The following CDC42BPB variants were observed in gnomAD, a reference collection of about 807,000 sequenced individuals.
CDC42BPB encodes CDC42 binding protein kinase beta.
A neutral mutation model predicts 214.9 loss-of-function variants in CDC42BPB; 37 were observed. The ratio of observed to expected loss-of-function variants is 0.17; its 90% confidence interval spans 0.13 to 0.23. CDC42BPB has a LOEUF of 0.23. Ranked by LOEUF, CDC42BPB falls within the 10% of genes least tolerant of loss-of-function variation. The pLI is 1.00. For synonymous variants in CDC42BPB, 931 were observed against 884.0 expected (o/e 1.05, Z -0.94); for missense variants, 1,694 against 2,227.0 (o/e 0.76, Z 4.82).
At chr14:102,939,581 TGCCC>T (rs778755078) in intron 34 of CDC42BPB, 25 bp downstream of exon 34, 1 of 1,538,384 alleles carries the variant, frequency 6.5e-7, no homozygotes, top group Non-Finnish European at 9.0e-7. Flanking sequence ...TGGGGTGCCC[TGCCC>T]GCCCTATCCC....
intron 5 of CDC42BPB, among the ~76,000 whole-genome samples, chr14:102,991,794 T>C (rs1894505704): frequency 6.6e-6 from 1 of 152,212 alleles, no homozygotes; most frequent in African/African-American, 2.4e-5. Context: ...TTTGAAATTA[T>C]TTGAAACATT....
chr14:102,983,526 C>CAAAAAA, intron 7 of CDC42BPB, 30 bp downstream of exon 7: 1 of 1,511,922 alleles, frequency 6.6e-7, no homozygotes, highest in Non-Finnish European at 8.9e-7. Context: ...AGCCAGGTAC[C>CAAAAAA]AAAAAAAAAA....
At chr14:103,045,434 G>A (rs1888235752) in intron 1 of CDC42BPB, among the ~76,000 whole-genome samples, 1 of 152,094 alleles carries the variant, frequency 6.6e-6, no homozygotes, top group African/African-American at 2.4e-5. Flanking sequence ...CACATCACGT[G>A]GTCTCCACAG....
intron 1 of CDC42BPB, among the ~76,000 whole-genome samples, chr14:103,013,197 G>C (rs974114327): frequency 6.6e-6 from 1 of 152,204 alleles, no homozygotes; most frequent in African/African-American, 2.4e-5. Flanking sequence ...AGTGAGAGCT[G>C]AGCTCCACCT....
chr14:102,974,820 G>A (rs769053702), intron 11 of CDC42BPB, among the ~76,000 whole-genome samples: 5 of 152,124 alleles, frequency 3.3e-5, no homozygotes, highest in Non-Finnish European at 7.4e-5. Flanking sequence ...AATTAGCCAG[G>A]CGTGGTGGGG....
intron 27 of CDC42BPB, 168 bp from the exon 28 acceptor site, chr14:102,946,852 G>T: frequency 2.0e-6 from 2 of 985,436 alleles, no homozygotes; most frequent in South Asian, 4.7e-5. Context: ...AGAGGCTCCC[G>T]CGGCAGGACA....
At chr14:103,011,354 T>G (rs1886148385) in intron 2 of CDC42BPB, among the ~76,000 whole-genome samples, 2 of 152,356 alleles carry the variant, frequency 1.3e-5, no homozygotes, top group Admixed American at 1.3e-4. Context: ...GTACAGAGCA[T>G]GAAAACAGCT....
At chr14:103,052,100 G>A (rs945074498) in intron 1 of CDC42BPB, among the ~76,000 whole-genome samples, 1 of 151,970 alleles carries the variant, frequency 6.6e-6, no homozygotes, top group African/African-American at 2.4e-5. Context: ...CCAAAGTGCT[G>A]GGATTACAGG....
intron 21 of CDC42BPB, 117 bp from the exon 22 acceptor site, chr14:102,954,805 G>A (rs1018036186): frequency 1.4e-5 from 20 of 1,467,662 alleles, no homozygotes; most frequent in Admixed American, 1.3e-4. Flanking sequence ...AAGTCCCAGC[G>A]GTTCTTACTC....
At chr14:103,025,885 A>G (rs1373926378) in intron 1 of CDC42BPB, among the ~76,000 whole-genome samples, 1 of 152,124 alleles carries the variant, frequency 6.6e-6, no homozygotes, top group Non-Finnish European at 1.5e-5. Context: ...CTAAAAAAAA[A>G]CCAGACACAA....
rs187311977 is a variant in CDC42BPB, at chr14:102,990,675, C to T, written c.597-4095G>A. Among the ~76,000 whole-genome samples, 138 of 152,208 alleles carry T rather than the reference C, an allele frequency of 9.1e-4. 1 individual carries two copies. Among genetic ancestry groups the T allele is most frequent in the Admixed American group, 5.6e-3 (86 of 15,280 alleles). On this transcript the variant is annotated intron_variant, in intron 5 of 36. Transcript: ENST00000361246. The stretch of plus-strand genomic sequence containing the variant: ...GCACCCAGAACTTGGTCTTCAAAGC[C>T]GCTCCCCACTAAAGGGCCTTGAGCT...
chr14:102,939,214 C>T lies in CDC42BPB; in HGVS notation c.4827+396G>A, dbSNP rs187454404. ...TCGGCCTCCCAAAGTGCTGGGATTA[C>T]AGGCATGAGCCACCACGCCCAGCCA... On this transcript the variant is annotated intron_variant, in intron 34 of 36. Coordinates refer to ENST00000361246, the MANE Select transcript of CDC42BPB (RefSeq NM_006035.4). Among the ~76,000 whole-genome samples the T allele has an allele frequency of 3.7e-3, 559 of 152,016 alleles. 4 individuals are homozygous for T. Among genetic ancestry groups the T allele is most frequent in the Non-Finnish European group, 4.8e-3 (329 of 67,946 alleles).
At chr14:103,053,138 A>AG (rs1888703944) in intron 1 of CDC42BPB, among the ~76,000 whole-genome samples, 1 of 151,936 alleles carries the variant, frequency 6.6e-6, no homozygotes, top group African/African-American at 2.4e-5. Context: ...TCACGAGGTC[A>AG]GGACTTTAAG....
intron 1 of CDC42BPB, among the ~76,000 whole-genome samples, chr14:103,021,707 T>C (rs1372942498): frequency 6.7e-6 from 1 of 148,238 alleles, no homozygotes; most frequent in Non-Finnish European, 1.5e-5. Flanking sequence ...AACATTCAGA[T>C]GCAAAAGACA....
At chr14:102,963,385 C>T (rs1021883197) in intron 19 of CDC42BPB, 1 of 621,874 alleles carries the variant, frequency 1.6e-6, no homozygotes, top group African/African-American at 2.0e-5. Flanking sequence ...GAAGGCGTGT[C>T]TCATGAAGGC....
intron 2 of CDC42BPB, 112 bp from the exon 3 acceptor site, chr14:103,008,667 G>T (rs1885981535): frequency 6.7e-7 from 1 of 1,485,020 alleles, no homozygotes; most frequent in Non-Finnish European, 8.9e-7. Flanking sequence ...GAAACCAGCA[G>T]TGACCGAAAG....
Position 102,963,141 on chromosome 14 carries a change from G to C in CDC42BPB, c.2741C>G (p.Ser914Cys). 6.3e-7 allele frequency: 1 copy of C among 1,595,148 alleles called. No individual in the cohort carries two copies. The highest frequency in any genetic ancestry group is 8.6e-7 in the Non-Finnish European group (1 of 1,167,828). ...NLTLESKLKD[S>C]EAKNRELLEE... ...TAATAATTCTCTGTTTTTGGCTTCG[G>C]AATCCTTTAGTTTGCTAAAATAAAA... The change falls in exon 20 of 37, where the codon TCC becomes TGC. Residue 914 changes from serine (S) to cysteine (C), a missense_variant. This residue lies in a region of CDC42BPB where 156 missense variants were observed against 154.5 expected (regional missense o/e 1.01). Coordinates refer to ENST00000361246, the MANE Select transcript of CDC42BPB (RefSeq NM_006035.4).
At chr14:102,989,269 C>T (rs1894387485) in intron 5 of CDC42BPB, among the ~76,000 whole-genome samples, 1 of 152,158 alleles carries the variant, frequency 6.6e-6, no homozygotes, top group Admixed American at 6.5e-5. Flanking sequence ...GGCAAAGCTG[C>T]AAGGAAACAG....
chr14:102,944,483 G>A lies in CDC42BPB; in HGVS notation c.3816C>T (p.Ile1272=), dbSNP rs770015832. The part of the protein sequence containing the change: ...LYVIEVTRDV[I]VRAADCKKVH... ...CCTTCTTACAGTCAGCGGCACGGAC[G>A]ATCACTGTGGCAAGGAGGACAAGAG... The change falls in exon 30 of 37, where the codon ATC becomes ATT. Residue 1272 remains isoleucine, a synonymous_variant. Transcript: ENST00000361246. This position sits in a 1 kb window ranked among gnomAD's most constrained non-coding sequence, Gnocchi z 6.6. The A allele has an allele frequency of 6.8e-6, 11 of 1,609,278 alleles. No individual in the cohort carries two copies. The African/African-American group carries it at 8.0e-5, about 12-fold the overall frequency.
Sources: gnomAD v4.1 joint callset for allele counts (sites outside exome capture counted in the v4.1 genomes callset) on GRCh38, gnomAD v4.1.1 for gene constraint, gnomAD v4.1.1 regional missense constraint, Gnocchi (gnomAD v3.1) non-coding constraint, MANE v1.5 for transcripts, NCBI Gene and HGNC (gene_info 2026-07-23, HGNC 2026-07-21) for gene names.